The following SLC8A1 variants were observed in gnomAD, a reference collection of about 807,000 sequenced individuals.
SLC8A1 encodes the protein sodium/calcium exchanger 1.
In SLC8A1, 18 loss-of-function variants were observed where a neutral mutation model predicts 68.3. The observed-to-expected ratio is 0.26, with a 90% CI of 0.18 to 0.39. The LOEUF (loss-of-function observed/expected upper bound fraction) is 0.39, where lower values mean the gene tolerates loss of function less well. Ranked by LOEUF, SLC8A1 falls within the 10% of genes least tolerant of loss-of-function variation. The pLI is 1.00. For missense variants in SLC8A1, 985 were observed against 1,156.7 expected, an observed-to-expected ratio of 0.85 and a Z score of 2.15; for synonymous variants, 475 against 415.5, an observed-to-expected ratio of 1.14 and a Z score of -1.74.
intron 2 of SLC8A1, among the ~76,000 whole-genome samples, chr2:40,210,388 T>A (rs755284746): frequency 3.3e-5 from 5 of 152,178 alleles, no homozygotes; most frequent in Non-Finnish European, 7.4e-5. Context: ...CTTCTACAAG[T>A]AGTGACTTCA....
At chr2:40,314,066 T>C (rs191639848) in intron 2 of SLC8A1, among the ~76,000 whole-genome samples, 1 of 152,100 alleles carries the variant, frequency 6.6e-6, no homozygotes, top group African/African-American at 2.4e-5. Flanking sequence ...ATAAAGAATC[T>C]AGGAAATCTT....
At chr2:40,282,934 G>T (rs536259645) in intron 2 of SLC8A1, among the ~76,000 whole-genome samples, 2 of 152,252 alleles carry the variant, frequency 1.3e-5, no homozygotes, top group Admixed American at 6.5e-5. Flanking sequence ...TATAGTGATG[G>T]CCTGTGCTAA....
intron 1 of SLC8A1, among the ~76,000 whole-genome samples, chr2:40,499,966 G>T (rs1421047632): frequency 2.0e-5 from 3 of 152,118 alleles, no homozygotes; most frequent in East Asian, 3.9e-4. Context: ...TATAGAAAGT[G>T]GGAAAAGGCT....
At chr2:40,101,026 A>G (rs2033860808) in exon 8 of SLC8A1, 1 of 152,138 alleles carries the variant, frequency 6.6e-6, no homozygotes, top group Non-Finnish European at 1.5e-5. Context: ...GTATCCACAA[A>G]TGTGATATTT....
chr2:40,387,128 G>C (rs62149373), intron 2 of SLC8A1, among the ~76,000 whole-genome samples: 5,185 of 151,416 alleles, frequency 0.034, 133 homozygotes, highest in Middle Eastern at 0.075. Flanking sequence ...ACAGAGCATT[G>C]GACCTCAGAA....
At chr2:40,349,927 GTAATAT>G (rs1445241570) in intron 2 of SLC8A1, among the ~76,000 whole-genome samples, 3 of 152,000 alleles carry the variant, frequency 2.0e-5, no homozygotes, top group East Asian at 1.9e-4. Flanking sequence ...AATATAAGCA[GTAATAT>G]TAATATTAAA....
intron 2 of SLC8A1, among the ~76,000 whole-genome samples, chr2:40,285,141 G>C (rs1463030929): frequency 1.3e-5 from 2 of 152,096 alleles, no homozygotes; most frequent in Non-Finnish European, 2.9e-5. Flanking sequence ...TCTGTGAATT[G>C]GGTATTATTG....
intron 2 of SLC8A1, among the ~76,000 whole-genome samples, chr2:40,300,389 G>C (rs1380900407): frequency 6.7e-6 from 1 of 149,856 alleles, no homozygotes; most frequent in African/African-American, 2.5e-5. Flanking sequence ...GTGGAGCCAG[G>C]ATGTGCTTCA....
At chr2:40,147,135 G>A (rs769698490) in intron 6 of SLC8A1, among the ~76,000 whole-genome samples, 1 of 152,050 alleles carries the variant, frequency 6.6e-6, no homozygotes, top group Non-Finnish European at 1.5e-5. Context: ...AATGAAAAAC[G>A]GATTCACTAA....
chr2:40,356,706 C>T (rs1331376665), intron 2 of SLC8A1, among the ~76,000 whole-genome samples: 2 of 152,050 alleles, frequency 1.3e-5, no homozygotes, highest in Non-Finnish European at 2.9e-5. Context: ...GTAAGAAAGA[C>T]TAAAACACAG....
At chr2:40,129,353 C>G (rs1380645521) in intron 7 of SLC8A1, among the ~76,000 whole-genome samples, 1 of 151,834 alleles carries the variant, frequency 6.6e-6, no homozygotes, top group Admixed American at 6.6e-5. Flanking sequence ...ATCTCAGCCT[C>G]CTGAGTAGCT....
At chr2:40,151,778 C>G (rs549442137) in intron 6 of SLC8A1, among the ~76,000 whole-genome samples, 1 of 152,142 alleles carries the variant, frequency 6.6e-6, no homozygotes, top group Non-Finnish European at 1.5e-5. Flanking sequence ...GGGAAAAAAG[C>G]TTCTCTTTAG....
At chr2:40,399,313 G>A (rs1056164420) in intron 2 of SLC8A1, among the ~76,000 whole-genome samples, 2 of 151,106 alleles carry the variant, frequency 1.3e-5, no homozygotes, top group South Asian at 2.1e-4. Flanking sequence ...TCTACCCCTC[G>A]TCTCCCCTAC....
intron 1 of SLC8A1, among the ~76,000 whole-genome samples, chr2:40,477,729 T>C (rs1704376858): frequency 6.6e-6 from 1 of 152,150 alleles, no homozygotes; most frequent in African/African-American, 2.4e-5. Flanking sequence ...TATGAGTGTG[T>C]GTGCCTGTGC....
At chr2:40,121,013 G>T (rs868658382) in intron 7 of SLC8A1, among the ~76,000 whole-genome samples, 1 of 152,250 alleles carries the variant, frequency 6.6e-6, no homozygotes, top group Middle Eastern at 3.4e-3. Context: ...TGTTGTTGTT[G>T]TTCTGTTTTA....
intron 2 of SLC8A1, among the ~76,000 whole-genome samples, chr2:40,312,292 A>T (rs1322336939): frequency 6.6e-6 from 1 of 152,102 alleles, no homozygotes; most frequent in Admixed American, 6.6e-5. Context: ...GCTACAATAG[A>T]TCATGATTAT....
rs544885893 is a variant in SLC8A1 at position 40,311,018 on chromosome 2, T to C, written c.1808+117455A>G. 9.7e-4 allele frequency among the ~76,000 whole-genome samples: 148 copies of C among 152,288 alleles called. 2 individuals carry two copies. The highest frequency in any genetic ancestry group is 3.4e-3 in the African/African-American group (141 of 41,556). On this transcript the variant is annotated intron_variant, in intron 2 of 7. Transcript: ENST00000406785. ...AAATAAATTTAATAGTATCAATCTA[T>C]AGGTTTAGAAACTGAGAGAAATAAT... is the stretch of plus-strand genomic sequence containing the variant.
At chr2:40,197,687 G>T (rs1362335915) in intron 2 of SLC8A1, among the ~76,000 whole-genome samples, 1 of 121,470 alleles carries the variant, frequency 8.2e-6, no homozygotes, top group Non-Finnish European at 1.9e-5. Context: ...AGAGGAAACT[G>T]ACTGGTTATT....
intron 2 of SLC8A1, among the ~76,000 whole-genome samples, chr2:40,242,008 G>C (rs2061287870): frequency 6.6e-6 from 1 of 152,004 alleles, no homozygotes; most frequent in South Asian, 2.1e-4. Context: ...ATTTCCTATA[G>C]TTTGCTACTA....
Sources: gnomAD v4.1 joint callset for allele counts (sites outside exome capture counted in the v4.1 genomes callset) on GRCh38, gnomAD v4.1.1 for gene constraint, MANE v1.5 for transcripts, NCBI Gene and HGNC (gene_info 2026-07-23, HGNC 2026-07-21) for gene names.